RIF1: variants seen among roughly 807,000 people sequenced by gnomAD.
The protein encoded by RIF1 is replication timing regulatory factor 1.
RIF1 carries 45 observed loss-of-function variants against 247.1 expected under a neutral mutation model. That is an observed-to-expected ratio of 0.18 (90% CI 0.14 to 0.23). The LOEUF (loss-of-function observed/expected upper bound fraction) is 0.23, where lower values mean the gene tolerates loss of function less well. Ranked by LOEUF, RIF1 falls within the 10% of genes least tolerant of loss-of-function variation. The pLI, the probability that RIF1 is intolerant of heterozygous loss-of-function variation, is 1.00. For synonymous variants in RIF1, 1,087 were observed against 978.8 expected (o/e 1.11, Z -2.06); for missense variants, 2,967 against 2,862.5 (o/e 1.04, Z -0.83).
At position 151,469,576 on chromosome 2, in the gene RIF1, C is replaced by T. The variant is rs575316647; in HGVS notation, c.6942-135C>T. 9.6e-5 allele frequency: 57 copies of T among 596,478 alleles called. 3 individuals are homozygous for T. In the South Asian group the frequency reaches 2.7e-3, roughly 28 times the overall value. 36.9% of individuals were successfully genotyped at this position (596,478 alleles called of 1,614,324 possible). A position where few individuals can be genotyped will look rare whatever the true frequency, so the allele number is the denominator to read the frequency against. The stretch of plus-strand genomic sequence containing the variant: ...CGAATTTTGTTTTAAATTACACATA[C>T]ATGTGCCTGTCTTCACTGTGGGCTA... On this transcript the variant is annotated intron_variant, in intron 33 of 35. Coordinates refer to ENST00000444746, the MANE Select transcript of RIF1 (RefSeq NM_018151.5).
the RIF1 span, chr2:151,518,438 CA>C: frequency 2.0e-6 from 3 of 1,473,772 alleles, no homozygotes; most frequent in Non-Finnish European, 2.8e-6. Context: ...GGGAAGGCGG[CA>C]AAAAAGGCAC....
At chr2:151,529,211 T>C in the RIF1 span, 20 of 1,600,280 alleles carry the variant, frequency 1.2e-5, no homozygotes, top group Non-Finnish European at 1.6e-5. Context: ...GGAACTTACA[T>C]TGGTGTTGAC....
rs976961644 is a variant in RIF1, at chr2:151,478,693, A to T, written c.*3622A>T. ...TTAAGGTGTAAAGGAGTGAGAATAG[A>T]GTAATTGCTTTTTAAAAAGAAAGTA... On this transcript the variant is annotated 3_prime_UTR_variant, in exon 36 of 36. Transcript: ENST00000444746. 1 of 152,192 alleles carries T rather than the reference A, an allele frequency of 6.6e-6. No homozygotes were observed. Among genetic ancestry groups the T allele is most frequent in the African/African-American group, 2.4e-5 (1 of 41,446 alleles). 9.4% of individuals were successfully genotyped at this position (152,192 alleles called of 1,614,324 possible).
rs202202744 is a variant in RIF1 at position 151,437,288 on chromosome 2, C to T, written c.1420C>T (p.His474Tyr). 6.2e-7 allele frequency: 1 copy of T among 1,613,670 alleles called. No homozygotes were observed. Among genetic ancestry groups the T allele is most frequent in the East Asian group, 2.2e-5 (1 of 44,876 alleles). Residue 474 changes from histidine (H) to tyrosine (Y), a missense_variant, in exon 13 of 36, where the codon CAT becomes TAT. His to Tyr is a moderately conservative substitution (Grantham distance 83). Transcript: ENST00000444746. ...LISSPSFFSKHANTLITAVHD... is the reference protein window; with the variant it reads ...LISSPSFFSKYANTLITAVHD... ...CAGCAGCCCTTCCTTTTTTTCCAAA[C>T]ATGCAAATACACTTATCACTGCTGT...
downstream of RIF1, among the ~76,000 whole-genome samples, chr2:151,482,830 G>T (rs966416725): frequency 6.6e-6 from 1 of 152,248 alleles, no homozygotes; most frequent in East Asian, 1.9e-4. Flanking sequence ...AGCAGGGTTT[G>T]TTCCTTCTAA....
In RIF1 at chr2:151,505,517, T is replaced by C. The variant is rs779612457; in HGVS notation, c.*862-693T>C. On this transcript the variant is annotated intron_variant and NMD_transcript_variant, in intron 12 of 13. Transcript: ENST00000454583. The stretch of plus-strand genomic sequence containing the variant: ...TCTGCGTCTCCTTCACACGTTTCAC[T>C]TCAGGCAGGTCAGGGATTGGAGTTC... The C allele has an allele frequency of 1.6e-5, 26 of 1,613,762 alleles. No homozygotes were observed. The Admixed American group carries it at 4.3e-4, about 27-fold the overall frequency.
chr2:151,420,060 A>G (rs1211559269), intron 6 of RIF1, 130 bp from the exon 7 acceptor site: 3 of 704,572 alleles, frequency 4.3e-6, no homozygotes, highest in Non-Finnish European at 6.8e-6. Context: ...TCTTGTGTGT[A>G]TATGCATATT....
downstream of RIF1, chr2:151,508,044 C>G (rs1481139708): frequency 6.2e-7 from 1 of 1,611,194 alleles, no homozygotes; most frequent in East Asian, 2.2e-5. Flanking sequence ...CTCTCTGTAT[C>G]TCTGGGGTGT....
rs200891742 is a variant in RIF1 at position 151,460,534 on chromosome 2, A to G, written c.3075+415A>G. ...AGATAAGACACCTATGTTCTTATCA[A>G]CTAGCTCATGCTAGTTGCCAGTTAA... On this transcript the variant is annotated intron_variant, in intron 26 of 35. Transcript: ENST00000444746. Among the ~76,000 whole-genome samples the G allele has an allele frequency of 2.1e-3, 33 of 15,934 alleles. No homozygotes were observed. In the South Asian group the frequency reaches 0.025, roughly 12 times the overall value. The allele number at this position is 15,934 out of a possible 152,430, so 10.5% of individuals were successfully genotyped here. A position where few individuals can be genotyped will look rare whatever the true frequency, so the allele number is the denominator to read the frequency against.
chr2:151,497,113 T>A, intron 10 of RIF1: 1 of 1,478,118 alleles, frequency 6.8e-7, no homozygotes, highest in Non-Finnish European at 9.2e-7. Flanking sequence ...TAAGGTCAGC[T>A]TCCTTGTTAA....
At position 151,416,665 on chromosome 2, in the gene RIF1, C is replaced by T. The variant is rs1216368174; in HGVS notation, c.385C>T (p.Pro129Ser). Residue 129 changes from proline (P) to serine (S), a missense_variant, in exon 5 of 36, where the codon CCC (proline) becomes TCC (serine). Physicochemically the swap from Pro to Ser is moderately conservative, Grantham distance 74. This residue lies in a region of RIF1 where 269 missense variants were observed against 288.6 expected (regional missense o/e 0.93). Transcript: ENST00000444746. ...TTGGGTGATATCTAAGCAGACATTTCCCTCTGAAGTGGTTGGCAAAATGGT... is the reference window on the plus strand; with the variant it reads ...TTGGGTGATATCTAAGCAGACATTTTCCTCTGAAGTGGTTGGCAAAATGGT... ...ALWVISKQTF[P>S]SEVVGKMVSS... 6 of 1,612,722 alleles carry T rather than the reference C, an allele frequency of 3.7e-6. No homozygotes were observed. The highest frequency in any genetic ancestry group is 5.1e-6 in the Non-Finnish European group (6 of 1,179,702).
chr2:151,512,207 A>AT (rs1282822020), downstream of RIF1, among the ~76,000 whole-genome samples: 14 of 150,568 alleles, frequency 9.3e-5, no homozygotes, highest in Admixed American at 2.0e-4. Flanking sequence ...ATTTTTGTGT[A>AT]TTTTTTTTAG....
In RIF1 at chr2:151,463,088, A is replaced by G. The variant is rs1389320875; in HGVS notation, c.3568A>G (p.Ser1190Gly). The G allele has an allele frequency of 5.0e-6, 8 of 1,614,038 alleles. No homozygotes were observed. In the South Asian group the frequency reaches 8.8e-5, roughly 18 times the overall value. ...SRKTSTECAS[S>G]TENSFVVSSS... ...GAAAACATCAACTGAATGTGCATCT[A>G]GTACAGAAAATTCTTTCGTTGTCAG... The change falls in exon 30 of 36, where the codon AGT becomes GGT. Residue 1190 changes from serine (S) to glycine (G), a missense_variant. Around this residue, in one of 7 missense-constraint regions of RIF1, gnomAD observed 2,028 missense variants for 1,825.6 expected, o/e 1.11. Coordinates refer to ENST00000444746, the MANE Select transcript of RIF1 (RefSeq NM_018151.5).
chr2:151,499,851 T>C (rs2063105081), intron 11 of RIF1, among the ~76,000 whole-genome samples: 1 of 152,184 alleles, frequency 6.6e-6, no homozygotes, highest in African/African-American at 2.4e-5. Flanking sequence ...TGGTCAAGTA[T>C]AGAGGTTCAA....
At chr2:151,416,134 A>G (rs1022167549) in intron 4 of RIF1, among the ~76,000 whole-genome samples, 9 of 152,218 alleles carry the variant, frequency 5.9e-5, no homozygotes, top group African/African-American at 1.7e-4. Flanking sequence ...GGAAGTTAGG[A>G]ATAAAGATGT....
downstream of RIF1, among the ~76,000 whole-genome samples, chr2:151,484,873 G>T (rs536027296): frequency 6.6e-6 from 1 of 152,328 alleles, no homozygotes; most frequent in East Asian, 1.9e-4. Flanking sequence ...CTGGCATAGA[G>T]GTGTACGTTG....
At chr2:151,444,280 C>G (rs1231521824) in intron 18 of RIF1, among the ~76,000 whole-genome samples, 1 of 152,300 alleles carries the variant, frequency 6.6e-6, no homozygotes, top group African/African-American at 2.4e-5. Flanking sequence ...AGTGCTGTAA[C>G]TCAAAAATGA....
intron 16 of RIF1, 91 bp from the exon 17 acceptor site, chr2:151,443,168 T>C: frequency 1.2e-6 from 1 of 850,444 alleles, no homozygotes; most frequent in Non-Finnish European, 1.9e-6. Context: ...TTTGTCATGC[T>C]AAAACAATTT....
intron 20 of RIF1, among the ~76,000 whole-genome samples, chr2:151,450,500 T>G (rs1694108316): frequency 6.6e-6 from 1 of 152,234 alleles, no homozygotes; most frequent in African/African-American, 2.4e-5. Flanking sequence ...TACTGCCTTT[T>G]TCTTAAATTC....
Sources: allele counts gnomAD v4.1 joint callset (sites outside exome capture counted in the v4.1 genomes callset), GRCh38; gene constraint gnomAD v4.1.1; regional missense constraint gnomAD v4.1.1; transcripts MANE v1.5; gene names NCBI Gene and HGNC (gene_info 2026-07-23, HGNC 2026-07-21).